The following CACNA2D3 variants were observed in gnomAD, a reference collection of about 807,000 sequenced individuals.
CACNA2D3 encodes voltage-dependent calcium channel subunit alpha-2/delta-3.
Under a neutral mutation model 160.6 loss-of-function variants are expected in CACNA2D3, and 60 were observed. The ratio of observed to expected loss-of-function variants is 0.37; its 90% CI spans 0.30 to 0.46. The LOEUF (loss-of-function observed/expected upper bound fraction) is 0.46, where lower values mean the gene tolerates loss of function less well. CACNA2D3 is among the 20% of genes least tolerant of loss of function. The pLI is 1.00. For synonymous variants in CACNA2D3, 558 were observed against 492.9 expected (o/e 1.13, Z -1.75); for missense variants, 1,205 against 1,365.0 (o/e 0.88, Z 1.85).
At chr3:54,199,727 AT>A (rs777465762) in intron 2 of CACNA2D3, among the ~76,000 whole-genome samples, 10 of 152,166 alleles carry the variant, frequency 6.6e-5, no homozygotes, top group Non-Finnish European at 1.3e-4. Flanking sequence ...ATAGCATGCA[AT>A]TGTTAAAAAT....
intron 21 of CACNA2D3, among the ~76,000 whole-genome samples, chr3:54,884,121 TTTGG>T (rs879716078): frequency 5.3e-5 from 8 of 152,044 alleles, no homozygotes; most frequent in South Asian, 2.1e-4. Flanking sequence ...AGGAAAGTTG[TTTGG>T]TTGGGAAGAA....
intron 4 of CACNA2D3, among the ~76,000 whole-genome samples, chr3:54,476,860 G>A (rs766533017): frequency 1.4e-4 from 22 of 152,206 alleles, no homozygotes; most frequent in South Asian, 2.1e-4. Context: ...TTTGAAGGCA[G>A]TTTCACAAAT....
At chr3:54,695,072 C>T (rs1700640302) in intron 11 of CACNA2D3, among the ~76,000 whole-genome samples, 1 of 152,136 alleles carries the variant, frequency 6.6e-6, no homozygotes, top group Non-Finnish European at 1.5e-5. Context: ...GGCTGGAGTG[C>T]AATGGCACAG....
At chr3:54,368,763 ACGAT>A (rs1458322541) in intron 3 of CACNA2D3, among the ~76,000 whole-genome samples, 1 of 119,858 alleles carries the variant, frequency 8.3e-6, no homozygotes, top group Non-Finnish European at 1.6e-5. Context: ...GTGTAGTGGC[ACGAT>A]CTCGGCTCAC....
chr3:54,434,114 G>A (rs187647513), intron 4 of CACNA2D3, among the ~76,000 whole-genome samples: 10 of 152,278 alleles, frequency 6.6e-5, no homozygotes, highest in Non-Finnish European at 2.9e-5. Context: ...AGTAGGCAGT[G>A]CTCCTGTTCC....
At chr3:54,512,732 C>G (rs1310093511) in intron 5 of CACNA2D3, among the ~76,000 whole-genome samples, 1 of 152,198 alleles carries the variant, frequency 6.6e-6, no homozygotes, top group Non-Finnish European at 1.5e-5. Context: ...TGTCCTACTT[C>G]TTAGGCCACT....
intron 2 of CACNA2D3, among the ~76,000 whole-genome samples, chr3:54,296,871 T>A (rs1421659158): frequency 1.3e-5 from 2 of 152,162 alleles, no homozygotes; most frequent in Admixed American, 6.5e-5. Flanking sequence ...AACGGGAGAT[T>A]AGTGGACACC....
intron 8 of CACNA2D3, among the ~76,000 whole-genome samples, chr3:54,571,391 T>G (rs1702494222): frequency 6.6e-6 from 1 of 152,142 alleles, no homozygotes; most frequent in Non-Finnish European, 1.5e-5. Context: ...TCAGATTAAA[T>G]TTTAAAAGAG....
chr3:54,658,576 T>G (rs998495148), intron 11 of CACNA2D3, among the ~76,000 whole-genome samples: 1 of 152,156 alleles, frequency 6.6e-6, no homozygotes, highest in African/African-American at 2.4e-5. Context: ...TAAACCCGTA[T>G]CAGATAAATG....
At chr3:54,184,538 A>G (rs1257961597) in intron 2 of CACNA2D3, among the ~76,000 whole-genome samples, 2 of 152,156 alleles carry the variant, frequency 1.3e-5, no homozygotes, top group Non-Finnish European at 1.5e-5. Flanking sequence ...TGTCTCCCCA[A>G]TCCCCAGAGC....
intron 11 of CACNA2D3, among the ~76,000 whole-genome samples, chr3:54,724,999 A>G (rs548823770): frequency 5.3e-5 from 8 of 152,214 alleles, no homozygotes; most frequent in Non-Finnish European, 1.2e-4. Context: ...GAAAAGATCA[A>G]GAAAATAGAT....
chr3:54,996,316 A>G (rs1702858425), intron 31 of CACNA2D3, among the ~76,000 whole-genome samples: 1 of 152,138 alleles, frequency 6.6e-6, no homozygotes, highest in Non-Finnish European at 1.5e-5. Context: ...GAAATTTAAT[A>G]TTTTCTATAT....
At chr3:54,488,781 C>A (rs1254104218) in intron 4 of CACNA2D3, among the ~76,000 whole-genome samples, 1 of 152,150 alleles carries the variant, frequency 6.6e-6, no homozygotes, top group Non-Finnish European at 1.5e-5. Flanking sequence ...ATGTATCTCA[C>A]ACTGTAGAGC....
intron 2 of CACNA2D3, among the ~76,000 whole-genome samples, chr3:54,222,655 T>TA (rs1225118760): frequency 1.3e-5 from 2 of 152,376 alleles, no homozygotes; most frequent in East Asian, 3.9e-4. Context: ...GGGTCATTTA[T>TA]AACACTCAGT....
intron 2 of CACNA2D3, among the ~76,000 whole-genome samples, chr3:54,283,808 G>C (rs1029334913): frequency 6.6e-6 from 1 of 151,906 alleles, no homozygotes; most frequent in Non-Finnish European, 1.5e-5. Context: ...CTACTCCTCT[G>C]TCCCAGCACT....
intron 5 of CACNA2D3, among the ~76,000 whole-genome samples, chr3:54,559,013 G>T (rs1408559596): frequency 6.6e-6 from 1 of 152,058 alleles, no homozygotes; most frequent in Non-Finnish European, 1.5e-5. Context: ...CCCCGGGAAG[G>T]ACCCAGTGAA....
chr3:54,462,270 T>A (rs11706354), intron 4 of CACNA2D3, among the ~76,000 whole-genome samples: 75,379 of 151,898 alleles, frequency 0.5, 19,048 homozygotes, highest in Non-Finnish European at 0.54. Flanking sequence ...TGTGGTGGAG[T>A]GTTCTGTAGA....
At chr3:54,230,908 C>G (rs1379657290) in intron 2 of CACNA2D3, among the ~76,000 whole-genome samples, 2 of 152,054 alleles carry the variant, frequency 1.3e-5, no homozygotes, top group African/African-American at 4.8e-5. Context: ...CAAAAATTTC[C>G]AAGCTTCTTT....
intron 2 of CACNA2D3, among the ~76,000 whole-genome samples, chr3:54,245,862 G>A (rs1333112845): frequency 6.6e-6 from 1 of 152,192 alleles, no homozygotes; most frequent in Non-Finnish European, 1.5e-5. Flanking sequence ...AGAGTGTATT[G>A]TCAAGATTAA....
Sources: gnomAD v4.1 joint callset for allele counts (sites outside exome capture counted in the v4.1 genomes callset) on GRCh38, gnomAD v4.1.1 for gene constraint, MANE v1.5 for transcripts, NCBI Gene and HGNC (gene_info 2026-07-23, HGNC 2026-07-21) for gene names.